VWA8: variants seen among roughly 807,000 people sequenced by gnomAD.
The protein encoded by VWA8 is von Willebrand factor A domain-containing protein 8.
Under a neutral mutation model 241.5 loss-of-function variants are expected in VWA8, and 221 were observed. That is an observed-to-expected ratio of 0.91 (90% confidence interval 0.82 to 1.02). The LOEUF (loss-of-function observed/expected upper bound fraction) is 1.02, where lower values mean the gene tolerates loss of function less well. VWA8 is among the 50% of genes least tolerant of loss of function. The pLI is 0.00. For missense variants in VWA8, 2,322 were observed against 2,328.7 expected (o/e 1.00, Z 0.06); for synonymous variants, 852 against 827.1 (o/e 1.03, Z -0.52).
chr13:41,890,225 T>C (rs1271395442), intron 5 of VWA8, among the ~76,000 whole-genome samples: 1 of 152,226 alleles, frequency 6.6e-6, no homozygotes, highest in East Asian at 1.9e-4. Context: ...GCCTAGTGTG[T>C]TCTGGGCTCA....
At chr13:41,939,686 TGATGA>T (rs1349438814) in intron 2 of VWA8, among the ~76,000 whole-genome samples, 1 of 152,226 alleles carries the variant, frequency 6.6e-6, no homozygotes, top group Non-Finnish European at 1.5e-5. Flanking sequence ...AATTTTACTT[TGATGA>T]GATAATACTG....
At chr13:41,895,377 T>C in intron 4 of VWA8, among the ~76,000 whole-genome samples, 1 of 152,140 alleles carries the variant, frequency 6.6e-6, no homozygotes, top group Admixed American at 6.5e-5. Context: ...TAATCACATC[T>C]AGAGGTTACT....
At chr13:41,875,148 G>C (rs1873837701) in intron 9 of VWA8, among the ~76,000 whole-genome samples, 1 of 151,968 alleles carries the variant, frequency 6.6e-6, no homozygotes, top group Admixed American at 6.6e-5. Flanking sequence ...ATCAATTCTT[G>C]TTATTGTTCC....
At position 41,611,561 on chromosome 13, in the gene VWA8, G is replaced by A; in HGVS notation, c.4877+15C>T. 1.2e-6 allele frequency: 2 copies of A among 1,613,514 alleles called. No individual in the cohort carries two copies. Among genetic ancestry groups the A allele is most frequent in the African/African-American group, 1.3e-5 (1 of 75,022 alleles). On this transcript the variant is annotated intron_variant, in intron 39 of 44. Transcript: ENST00000379310. The stretch of plus-strand genomic sequence containing the variant: ...ATAGCAGTAGTGCTGGTCTAAATGT[G>A]ATGGGAGCACTGACCTCTGCTGGAA...
rs909725707 is a variant in VWA8 at position 41,667,113 on chromosome 13, T to A, written c.4611+3833A>T. 4.6e-5 allele frequency among the ~76,000 whole-genome samples: 7 copies of A among 152,192 alleles called. No homozygotes were observed. The East Asian group carries it at 1.3e-3, about 29-fold the overall frequency. Reference sequence around the variant, plus strand: ...TAGAGGATCTGAAGATTACCTAGCATGTAAATTTACTAATAGTCAGCCAGT... The same window carrying A: ...TAGAGGATCTGAAGATTACCTAGCAAGTAAATTTACTAATAGTCAGCCAGT... On this transcript the variant is annotated intron_variant, in intron 37 of 44. Transcript: ENST00000379310.
chr13:41,850,501 C>G (rs933838321), intron 12 of VWA8, among the ~76,000 whole-genome samples: 3 of 152,156 alleles, frequency 2.0e-5, no homozygotes, highest in African/African-American at 7.2e-5. Context: ...TCTGCCATAG[C>G]ACTATGTTAG....
chr13:41,900,015 A>G (rs1406447355), intron 4 of VWA8, among the ~76,000 whole-genome samples: 1 of 152,216 alleles, frequency 6.6e-6, no homozygotes, highest in East Asian at 1.9e-4. Flanking sequence ...TTTATGGCAT[A>G]CTGGTACAAA....
chr13:41,590,784 C>T lies in VWA8; in HGVS notation c.4987-19G>A, dbSNP rs1161629919. 4 of 1,613,186 alleles carry T rather than the reference C, an allele frequency of 2.5e-6. No individual in the cohort carries two copies. The highest frequency in any genetic ancestry group is 1.3e-5 in the African/African-American group (1 of 74,882). ...CTTTAGCCTACAAAAGACACACATACACACACAAAGCCTTAATTAGTTATG... is the reference window on the plus strand; with the variant it reads ...CTTTAGCCTACAAAAGACACACATATACACACAAAGCCTTAATTAGTTATG... On this transcript the variant is annotated intron_variant, in intron 40 of 44. Transcript: ENST00000379310.
At chr13:41,880,858 G>C (rs1874136886) in intron 9 of VWA8, among the ~76,000 whole-genome samples, 1 of 152,120 alleles carries the variant, frequency 6.6e-6, no homozygotes, top group African/African-American at 2.4e-5. Context: ...TGAGTCTTTT[G>C]GAGGGAGATA....
At chr13:41,861,316 A>G (rs1872996239) in intron 12 of VWA8, among the ~76,000 whole-genome samples, 1 of 152,318 alleles carries the variant, frequency 6.6e-6, no homozygotes, top group East Asian at 1.9e-4. Flanking sequence ...TAAAAGCTCA[A>G]TTAAAACATG....
intron 1 of VWA8, among the ~76,000 whole-genome samples, chr13:41,956,690 G>A (rs1386988645): frequency 6.6e-6 from 1 of 152,066 alleles, no homozygotes; most frequent in Non-Finnish European, 1.5e-5. Flanking sequence ...TCCTATTGTA[G>A]CCCAAGGATA....
chr13:41,891,116 GA>G (rs553865897), intron 5 of VWA8, among the ~76,000 whole-genome samples: 4 of 145,208 alleles, frequency 2.8e-5, no homozygotes, highest in East Asian at 2.0e-4. Flanking sequence ...AGAAAGGGGG[GA>G]AAAAAGGAGA....
intron 37 of VWA8, among the ~76,000 whole-genome samples, chr13:41,627,077 A>C (rs2044696727): frequency 6.6e-6 from 1 of 152,196 alleles, no homozygotes; most frequent in Non-Finnish European, 1.5e-5. Flanking sequence ...CAACAAGCAA[A>C]AAAAACAAAC....
chr13:41,783,358 G>A (rs1224546589), intron 19 of VWA8, among the ~76,000 whole-genome samples: 1 of 151,312 alleles, frequency 6.6e-6, no homozygotes, highest in Non-Finnish European at 1.5e-5. Context: ...AAAGTTGTTC[G>A]GCCAGACATG....
intron 2 of VWA8, among the ~76,000 whole-genome samples, chr13:41,933,887 G>C (rs1877235795): frequency 6.6e-6 from 1 of 151,924 alleles, no homozygotes; most frequent in African/African-American, 2.4e-5. Flanking sequence ...AGAAGTCTTT[G>C]TGACCCTCGG....
chr13:41,655,899 C>A (rs2044901516), intron 37 of VWA8, among the ~76,000 whole-genome samples: 1 of 152,160 alleles, frequency 6.6e-6, no homozygotes. Context: ...AAAGTATGTT[C>A]CTGTTTTATC....
chr13:41,797,874 T>C (rs947665024), intron 17 of VWA8, among the ~76,000 whole-genome samples: 3 of 152,166 alleles, frequency 2.0e-5, no homozygotes, highest in African/African-American at 7.2e-5. Flanking sequence ...CTAACTGTTA[T>C]CTGGAAAGTT....
chr13:41,944,824 G>A (rs1355099843), intron 2 of VWA8, among the ~76,000 whole-genome samples: 1 of 134,582 alleles, frequency 7.4e-6, no homozygotes. Context: ...CGGGGCATTT[G>A]TCAAAAAAAA....
intron 26 of VWA8, among the ~76,000 whole-genome samples, chr13:41,706,019 C>G (rs1272922247): frequency 6.6e-6 from 1 of 152,104 alleles, no homozygotes; most frequent in Non-Finnish European, 1.5e-5. Context: ...CAGGGGAGAT[C>G]ATTAATTAAA....
Sources: allele counts gnomAD v4.1 joint callset (sites outside exome capture counted in the v4.1 genomes callset), GRCh38; gene constraint gnomAD v4.1.1; transcripts MANE v1.5; gene names NCBI Gene and HGNC (gene_info 2026-07-23, HGNC 2026-07-21).